The following CPE variants were observed in gnomAD, a reference collection of about 807,000 sequenced individuals.
The protein encoded by CPE is carbocypeptidase E.
A neutral mutation model predicts 53.5 loss-of-function variants in CPE; 17 were observed. The observed-to-expected ratio is 0.32, with a 90% confidence interval of 0.22 to 0.48. CPE has a LOEUF of 0.48. Ranked by LOEUF, CPE falls within the 20% of genes least tolerant of loss-of-function variation. The pLI is 0.99. For missense variants in CPE, 524 were observed against 614.7 expected (o/e 0.85, Z 1.56); for synonymous variants, 226 against 228.8 (o/e 0.99, Z 0.11).
At chr4:165,404,149 A>G in intron 1 of CPE, 1 of 768,476 alleles carries the variant, frequency 1.3e-6, no homozygotes, top group South Asian at 1.3e-5. Flanking sequence ...AGGCAGCCTC[A>G]TACTTCTTGA....
chr4:165,412,866 T>C (rs10517843), intron 1 of CPE, among the ~76,000 whole-genome samples: 43,668 of 152,130 alleles, frequency 0.29, 6,420 homozygotes, highest in Middle Eastern at 0.4. Context: ...CAGCCATGTA[T>C]TCCATTTCTT....
Position 165,467,767 on chromosome 4 carries a change from A to G in CPE, c.584A>G (p.Asp195Gly), listed in dbSNP as rs1173802458. Residue 195 changes from aspartate (D) to glycine (G), a missense_variant, in exon 3 of 9, where the codon GAT becomes GGT. Physicochemically the swap from Asp to Gly is moderately conservative, Grantham distance 94. Coordinates refer to ENST00000402744, the MANE Select transcript of CPE (RefSeq NM_001873.4). ...IDLNRNFPDL[D>G]RIVYVNEKEG... is the part of the protein sequence containing the mutation. ...CTGAACCGGAACTTTCCAGACCTGG[A>G]TAGGATAGTGTACGTGAATGAGAAA... The G allele has an allele frequency of 2.5e-6, 4 of 1,613,686 alleles. No homozygotes were observed. The highest frequency in any genetic ancestry group is 3.4e-6 in the Non-Finnish European group (4 of 1,179,884).
chr4:165,477,322 CTTCTT>C (rs748940851), intron 3 of CPE, among the ~76,000 whole-genome samples: 166 of 152,250 alleles, frequency 1.1e-3, no homozygotes, highest in Admixed American at 2.7e-3. Context: ...CTCAGTGTGA[CTTCTT>C]TTCATAAAGG....
intron 1 of CPE, among the ~76,000 whole-genome samples, chr4:165,407,078 G>T (rs1730965665): frequency 6.6e-6 from 1 of 152,152 alleles, no homozygotes; most frequent in African/African-American, 2.4e-5. Flanking sequence ...TTGTGGATAT[G>T]TGTGTTTATT....
rs540294544 is a variant in CPE at position 165,391,185 on chromosome 4, C to T, written c.307+11657C>T. On this transcript the variant is annotated intron_variant, in intron 1 of 8. Coordinates refer to ENST00000402744, the MANE Select transcript of CPE (RefSeq NM_001873.4). Reference sequence around the variant, plus strand: ...TTATTATTTTAACATTGAAGCTGAACTCATTGGATACTATAATTTTGTGAC... The same window carrying T: ...TTATTATTTTAACATTGAAGCTGAATTCATTGGATACTATAATTTTGTGAC... 5.3e-5 allele frequency among the ~76,000 whole-genome samples: 8 copies of T among 152,262 alleles called. No individual in the cohort carries two copies. In the South Asian group the frequency reaches 1.4e-3, roughly 28 times the overall value.
intron 1 of CPE, among the ~76,000 whole-genome samples, chr4:165,463,947 G>C (rs997947847): frequency 2.6e-5 from 4 of 152,164 alleles, no homozygotes; most frequent in Non-Finnish European, 4.4e-5. Flanking sequence ...GTGGCAGCAG[G>C]GGTGGTTTCT....
intron 1 of CPE, among the ~76,000 whole-genome samples, chr4:165,397,312 TA>T (rs1377304152): frequency 2.0e-5 from 3 of 152,210 alleles, no homozygotes; most frequent in Non-Finnish European, 4.4e-5. Context: ...TTTGGTACTA[TA>T]ATTATCCCCA....
intron 1 of CPE, among the ~76,000 whole-genome samples, chr4:165,461,182 A>AGAAAGAAAGAAAG (rs1475480030): frequency 4.3e-5 from 3 of 69,246 alleles, no homozygotes; most frequent in African/African-American, 1.8e-4. Flanking sequence ...AAAAAAAAAA[A>AGAAAGAAAGAAAG]AAAAAGAAAG....
intron 3 of CPE, among the ~76,000 whole-genome samples, chr4:165,475,223 C>T (rs1362955279): frequency 6.6e-6 from 1 of 152,084 alleles, no homozygotes; most frequent in Non-Finnish European, 1.5e-5. Context: ...CCTTAAAGGG[C>T]CACAGTGAGG....
chr4:165,397,008 C>A (rs921318149), intron 1 of CPE, among the ~76,000 whole-genome samples: 1 of 151,622 alleles, frequency 6.6e-6, no homozygotes, highest in South Asian at 2.1e-4. Flanking sequence ...CTGCAGTGAG[C>A]CATGATCACA....
chr4:165,413,932 T>C (rs967368463), intron 1 of CPE, among the ~76,000 whole-genome samples: 19 of 152,260 alleles, frequency 1.2e-4, no homozygotes, highest in Admixed American at 1.2e-3. Flanking sequence ...GATTCTATTC[T>C]AAGTTAAATT....
At chr4:165,443,480 T>C (rs1472996068) in intron 1 of CPE, among the ~76,000 whole-genome samples, 2 of 152,220 alleles carry the variant, frequency 1.3e-5, no homozygotes, top group Non-Finnish European at 2.9e-5. Context: ...TTCTGGAGAC[T>C]GGAAGTCTGA....
Position 165,428,878 on chromosome 4 carries a change from A to G in CPE, c.308-35512A>G, listed in dbSNP as rs138004266. ...TCCAGAATAACTTCCCTATTGCAAG[A>G]TCATTCATTTAATCACATCTGCAAA... On this transcript the variant is annotated intron_variant, in intron 1 of 8. Transcript: ENST00000402744. 8.5e-5 allele frequency among the ~76,000 whole-genome samples: 13 copies of G among 152,336 alleles called. No homozygotes were observed. The East Asian group carries it at 1.2e-3, about 14-fold the overall frequency.
intron 1 of CPE, among the ~76,000 whole-genome samples, chr4:165,384,595 G>A (rs78731467): frequency 0.035 from 5,266 of 152,226 alleles, 292 homozygotes; most frequent in African/African-American, 0.12. Context: ...CAGCCTGGGC[G>A]ACAGAGCGAG....
intron 1 of CPE, among the ~76,000 whole-genome samples, chr4:165,406,626 C>T (rs1304392205): frequency 2.6e-5 from 4 of 152,140 alleles, no homozygotes; most frequent in Non-Finnish European, 5.9e-5. Flanking sequence ...ATAGTTCACA[C>T]AATTAAAAGT....
At chr4:165,389,876 T>A (rs1438109) in intron 1 of CPE, among the ~76,000 whole-genome samples, 37,624 of 151,980 alleles carry the variant, frequency 0.25, 4,890 homozygotes, top group East Asian at 0.41. Context: ...TCTTAAGGAG[T>A]CTTTTTCAAA....
intron 1 of CPE, among the ~76,000 whole-genome samples, chr4:165,416,931 T>C (rs1023087495): frequency 6.6e-6 from 1 of 152,010 alleles, no homozygotes; most frequent in Non-Finnish European, 1.5e-5. Context: ...TGAATGGAAT[T>C]TGGTAAAAAA....
At position 165,379,217 on chromosome 4, in the gene CPE, C is replaced by T; in HGVS notation, c.-5C>T. On this transcript the variant is annotated 5_prime_UTR_variant, in exon 1 of 9. Coordinates refer to ENST00000402744, the MANE Select transcript of CPE (RefSeq NM_001873.4). This position sits in a 1 kb window ranked among gnomAD's most constrained non-coding sequence, Gnocchi z 6.0. Reference sequence around the variant, plus strand: ...AGGCACGGCCGGCGGCGGCGGAGCGCAGCGATGGCCGGGCGAGGGGGCAGC... The same window carrying T: ...AGGCACGGCCGGCGGCGGCGGAGCGTAGCGATGGCCGGGCGAGGGGGCAGC... 1.6e-6 allele frequency: 2 copies of T among 1,229,054 alleles called. No homozygotes were observed. Among genetic ancestry groups the T allele is most frequent in the Non-Finnish European group, 2.0e-6 (2 of 988,146 alleles). The allele number at this position is 1,229,054 out of a possible 1,614,324, so 76.1% of individuals were successfully genotyped here. A position where few individuals can be genotyped will look rare whatever the true frequency, so the allele number is the denominator to read the frequency against.
At chr4:165,416,065 A>G (rs938895046) in intron 1 of CPE, among the ~76,000 whole-genome samples, 1 of 152,170 alleles carries the variant, frequency 6.6e-6, no homozygotes, top group African/African-American at 2.4e-5. Flanking sequence ...CAGACTACAC[A>G]AGGAATCTTC....
Sources: allele counts gnomAD v4.1 joint callset (sites outside exome capture counted in the v4.1 genomes callset), GRCh38; gene constraint gnomAD v4.1.1; non-coding constraint Gnocchi (gnomAD v3.1); transcripts MANE v1.5; gene names NCBI Gene and HGNC (gene_info 2026-07-23, HGNC 2026-07-21).